The following PALM2AKAP2 variants were observed in gnomAD, a reference collection of about 807,000 sequenced individuals.
PALM2AKAP2 encodes the protein PALM2 and AKAP2 fusion, also known as PALM2-AKAP2 fusion protein.
PALM2AKAP2 carries 37 observed loss-of-function variants against 71.5 expected under a neutral mutation model. That is an observed-to-expected ratio of 0.52 (90% CI 0.40 to 0.68). The LOEUF is 0.68. PALM2AKAP2 is among the 30% of genes least tolerant of loss of function. PALM2AKAP2 has a pLI of 0.00. For missense variants in PALM2AKAP2, 1,224 were observed against 1,191.8 expected, an observed-to-expected ratio of 1.03 and a Z score of -0.40; for synonymous variants, 468 against 478.8, an observed-to-expected ratio of 0.98 and a Z score of 0.29.
At chr9:110,108,310 A>G (rs980029782) in intron 1 of PALM2AKAP2, among the ~76,000 whole-genome samples, 1 of 151,544 alleles carries the variant, frequency 6.6e-6, no homozygotes, top group Non-Finnish European at 1.5e-5. Flanking sequence ...ACAGGTTTTC[A>G]CCATGTTGGC....
chr9:110,042,631 G>A (rs1833528887), intron 7 of PALM2AKAP2, among the ~76,000 whole-genome samples: 1 of 152,160 alleles, frequency 6.6e-6, no homozygotes, highest in South Asian at 2.1e-4. Flanking sequence ...AATATCCCAT[G>A]TCCTCCTGCT....
At chr9:110,010,562 T>C (rs1161519646) in intron 6 of PALM2AKAP2, among the ~76,000 whole-genome samples, 3 of 147,830 alleles carry the variant, frequency 2.0e-5, no homozygotes, top group Non-Finnish European at 4.5e-5. Context: ...ATATAGAATA[T>C]ATAAATTCTC....
intron 3 of PALM2AKAP2, among the ~76,000 whole-genome samples, chr9:109,920,362 A>T (rs553448023): frequency 4.2e-4 from 62 of 149,374 alleles, no homozygotes; most frequent in African/African-American, 1.4e-3. Flanking sequence ...TATTTTTGAG[A>T]ATAATGTAAT....
chr9:109,797,059 C>G (rs999828933), intron 1 of PALM2AKAP2, among the ~76,000 whole-genome samples: 7 of 152,212 alleles, frequency 4.6e-5, no homozygotes, highest in African/African-American at 1.4e-4. Flanking sequence ...TCTTTTGTAA[C>G]TGGGCCCCTG....
intron 1 of PALM2AKAP2, among the ~76,000 whole-genome samples, chr9:109,861,883 C>T (rs10453216): frequency 0.17 from 26,269 of 151,860 alleles, 2,436 homozygotes; most frequent in South Asian, 0.23. Flanking sequence ...AGTACAAATT[C>T]GTAATTCATT....
chr9:109,978,128 G>A (rs1361932239), intron 6 of PALM2AKAP2, among the ~76,000 whole-genome samples: 1 of 152,132 alleles, frequency 6.6e-6, no homozygotes, highest in African/African-American at 2.4e-5. Context: ...TGAGTGGAAG[G>A]AGGGATGCAT....
rs546994871 is a variant in PALM2AKAP2 at position 110,012,072 on chromosome 9, A to G, written c.497-3882A>G. Among the ~76,000 whole-genome samples the G allele has an allele frequency of 2.0e-5, 3 of 152,326 alleles. No homozygotes were observed. In the South Asian group the frequency reaches 6.2e-4, roughly 32 times the overall value. The stretch of plus-strand genomic sequence containing the variant: ...CACTTTGGGAGACTGAGGTGGTTGG[A>G]TCACTTGAGGTCAGGAGTTAGACCG... On this transcript the variant is annotated intron_variant, in intron 6 of 9. Transcript: ENST00000302798.
At chr9:109,682,642 A>G (rs1459892361) in intron 1 of PALM2AKAP2, among the ~76,000 whole-genome samples, 1 of 152,118 alleles carries the variant, frequency 6.6e-6, no homozygotes, top group Non-Finnish European at 1.5e-5. Flanking sequence ...AGGGCACTTG[A>G]CCTTTTATTT....
At chr9:109,838,285 C>A (rs577230530) in intron 1 of PALM2AKAP2, among the ~76,000 whole-genome samples, 2 of 152,116 alleles carry the variant, frequency 1.3e-5, no homozygotes, top group Non-Finnish European at 2.9e-5. Flanking sequence ...CTACTGGGTA[C>A]ATAATGAAAT....
At chr9:109,743,229 T>C (rs1028566730) in intron 1 of PALM2AKAP2, among the ~76,000 whole-genome samples, 3 of 152,190 alleles carry the variant, frequency 2.0e-5, no homozygotes, top group Admixed American at 2.0e-4. Context: ...AACTGCATCC[T>C]GGGAAGTGTA....
intron 6 of PALM2AKAP2, chr9:109,942,796 G>C (rs760886397): frequency 1.2e-6 from 2 of 1,614,180 alleles, no homozygotes; most frequent in East Asian, 4.5e-5. Flanking sequence ...AGGAGTCAAA[G>C]TCTATGATGA....
chr9:110,125,659 C>CT (rs944483902), intron 1 of PALM2AKAP2: 4 of 946,382 alleles, frequency 4.2e-6, no homozygotes, highest in Non-Finnish European at 5.0e-6. Flanking sequence ...GGACAGGGGT[C>CT]TTTTTTTGAG....
At chr9:109,745,791 G>A (rs7858265) in intron 1 of PALM2AKAP2, among the ~76,000 whole-genome samples, 82,475 of 151,982 alleles carry the variant, frequency 0.54, 22,668 homozygotes, top group South Asian at 0.66. Context: ...CTTGATTTAC[G>A]CAATGGTCTG....
At chr9:109,856,408 C>G (rs1759654392) in intron 1 of PALM2AKAP2, among the ~76,000 whole-genome samples, 1 of 152,192 alleles carries the variant, frequency 6.6e-6, no homozygotes, top group African/African-American at 2.4e-5. Context: ...ATAGTAAAAT[C>G]TCTAAGATAC....
chr9:109,936,550 A>G (rs1831221995), intron 6 of PALM2AKAP2, among the ~76,000 whole-genome samples: 1 of 152,186 alleles, frequency 6.6e-6, no homozygotes, highest in South Asian at 2.1e-4. Context: ...AACCATGTGC[A>G]TTGCTTGTCT....
intron 6 of PALM2AKAP2, among the ~76,000 whole-genome samples, chr9:110,004,276 C>T (rs1462132355): frequency 6.6e-6 from 1 of 152,110 alleles, no homozygotes; most frequent in Non-Finnish European, 1.5e-5. Context: ...TTTTATTTCT[C>T]CTTCACTTAT....
chr9:110,161,546 C>T (rs1376307930), intron 3 of PALM2AKAP2, among the ~76,000 whole-genome samples: 1 of 152,158 alleles, frequency 6.6e-6, no homozygotes, highest in African/African-American at 2.4e-5. Context: ...TTACCCAGGC[C>T]CCCAGGGTTC....
intron 1 of PALM2AKAP2, among the ~76,000 whole-genome samples, chr9:109,843,812 C>T (rs755871170): frequency 6.6e-6 from 1 of 152,188 alleles, no homozygotes; most frequent in African/African-American, 2.4e-5. Flanking sequence ...CACCGAGTTC[C>T]AGACATTTGT....
At chr9:110,060,997 T>C (rs1004588398) in intron 1 of PALM2AKAP2, among the ~76,000 whole-genome samples, 1 of 152,226 alleles carries the variant, frequency 6.6e-6, no homozygotes, top group Non-Finnish European at 1.5e-5. Context: ...TCTGCCTGTA[T>C]GTCTTCTTCC....
Sources: allele counts gnomAD v4.1 joint callset (sites outside exome capture counted in the v4.1 genomes callset), GRCh38; gene constraint gnomAD v4.1.1; transcripts MANE v1.5; gene names NCBI Gene and HGNC (gene_info 2026-07-23, HGNC 2026-07-21).